Variants in SH3BGRL2 observed in about 807,000 individuals in gnomAD.
The protein encoded by SH3BGRL2 is SH3 domain binding glutamate rich protein like 2.
A neutral mutation model predicts 14.8 loss-of-function variants in SH3BGRL2; 21 were observed. The observed-to-expected ratio is 1.42, with a 90% confidence interval of 1.01 to 2.05. The LOEUF (loss-of-function observed/expected upper bound fraction) is 2.05. Ranked by LOEUF, SH3BGRL2 falls within the 30% of genes most tolerant of loss-of-function variation. SH3BGRL2 has a pLI of 0.00. For missense variants in SH3BGRL2, 147 were observed against 130.8 expected (o/e 1.12, Z -0.61); for synonymous variants, 50 against 47.8 (o/e 1.05, Z -0.19).
chr6:79,582,256 G>T, the SH3BGRL2 span, among the ~76,000 whole-genome samples: 1 of 152,232 alleles, frequency 6.6e-6, no homozygotes, highest in South Asian at 2.1e-4. Context: ...AGCTACCAAT[G>T]ACTTTCTTCA....
At chr6:79,590,011 G>C in the SH3BGRL2 span, among the ~76,000 whole-genome samples, 2 of 152,104 alleles carry the variant, frequency 1.3e-5, no homozygotes, top group African/African-American at 4.8e-5. Context: ...GGGCTGAAGG[G>C]ATCTGCCTGC....
the SH3BGRL2 span, among the ~76,000 whole-genome samples, chr6:79,593,955 G>T: frequency 1.3e-5 from 2 of 151,198 alleles, no homozygotes; most frequent in Non-Finnish European, 2.9e-5. Context: ...AACCCAGGAG[G>T]CAGAGGTTGC....
At chr6:79,567,092 A>G in the SH3BGRL2 span, among the ~76,000 whole-genome samples, 1 of 152,164 alleles carries the variant, frequency 6.6e-6, no homozygotes, top group Admixed American at 6.5e-5. Flanking sequence ...TTTTTTAAGC[A>G]AAATGAAATC....
At chr6:79,666,890 C>T (rs931010757) in intron 1 of SH3BGRL2, among the ~76,000 whole-genome samples, 1 of 152,148 alleles carries the variant, frequency 6.6e-6, no homozygotes, top group African/African-American at 2.4e-5. Flanking sequence ...TATCTAAAGC[C>T]TTTGAAAGCA....
chr6:79,593,370 G>A, the SH3BGRL2 span, among the ~76,000 whole-genome samples: 1 of 152,142 alleles, frequency 6.6e-6, no homozygotes. Context: ...TCAGGGGTGA[G>A]GGACAAGGTA....
chr6:79,590,426 TATATA>T, the SH3BGRL2 span, among the ~76,000 whole-genome samples: 6 of 55,922 alleles, frequency 1.1e-4, no homozygotes, highest in Non-Finnish European at 2.3e-4. Context: ...GAAAATGTGA[TATATA>T]TATATATATA....
upstream of SH3BGRL2, among the ~76,000 whole-genome samples, chr6:79,630,764 T>C (rs117480545): frequency 1.0e-3 from 152 of 152,274 alleles, no homozygotes; most frequent in Non-Finnish European, 1.9e-3. Context: ...TAATTTTCAG[T>C]GTGTACAGAC....
intron 1 of SH3BGRL2, among the ~76,000 whole-genome samples, chr6:79,645,692 G>A (rs1769127447): frequency 6.6e-6 from 1 of 152,214 alleles, no homozygotes; most frequent in African/African-American, 2.4e-5. Flanking sequence ...GAGCCAGCAA[G>A]TTTGTGTGTG....
At chr6:79,605,306 A>G in the SH3BGRL2 span, among the ~76,000 whole-genome samples, 5 of 152,224 alleles carry the variant, frequency 3.3e-5, no homozygotes, top group African/African-American at 1.2e-4. Flanking sequence ...AGCCACATGA[A>G]TGATGTCAGA....
chr6:79,584,062 T>C, the SH3BGRL2 span, among the ~76,000 whole-genome samples: 2 of 152,228 alleles, frequency 1.3e-5, no homozygotes, highest in Non-Finnish European at 2.9e-5. Flanking sequence ...GTAGGTCTAG[T>C]GAATGAAAAT....
At chr6:79,618,496 A>G in the SH3BGRL2 span, among the ~76,000 whole-genome samples, 15 of 152,188 alleles carry the variant, frequency 9.9e-5, no homozygotes, top group Admixed American at 8.5e-4. Flanking sequence ...TCACGAGGTC[A>G]GGAGTTTGAG....
chr6:79,677,177 T>A (rs549560642), intron 2 of SH3BGRL2, among the ~76,000 whole-genome samples: 1 of 152,346 alleles, frequency 6.6e-6, no homozygotes, highest in East Asian at 1.9e-4. Context: ...TAGTGATAGT[T>A]TCTGACTGGT....
At chr6:79,552,698 C>G in the SH3BGRL2 span, 7 of 152,118 alleles carry the variant, frequency 4.6e-5, no homozygotes, top group African/African-American at 1.7e-4. Context: ...TTTACAGATC[C>G]CAATCCAGAC....
At chr6:79,685,907 C>T (rs1378344486) in intron 2 of SH3BGRL2, among the ~76,000 whole-genome samples, 1 of 152,134 alleles carries the variant, frequency 6.6e-6, no homozygotes, top group Non-Finnish European at 1.5e-5. Flanking sequence ...ACTTTTCCGT[C>T]TTGTATTTTT....
intron 2 of SH3BGRL2, among the ~76,000 whole-genome samples, chr6:79,695,092 C>T (rs997875347): frequency 1.3e-5 from 2 of 152,228 alleles, no homozygotes; most frequent in Non-Finnish European, 2.9e-5. Context: ...TCACACTTCA[C>T]TAGTGCTGCT....
the SH3BGRL2 span, among the ~76,000 whole-genome samples, chr6:79,615,682 G>T: frequency 6.6e-6 from 1 of 151,998 alleles, no homozygotes; most frequent in Non-Finnish European, 1.5e-5. Flanking sequence ...AAGGGTCTTT[G>T]GTTCTTTCTG....
chr6:79,626,955 T>C (rs1768744179), upstream of SH3BGRL2, among the ~76,000 whole-genome samples: 1 of 152,174 alleles, frequency 6.6e-6, no homozygotes, highest in Admixed American at 6.5e-5. Context: ...AGGGGGATTA[T>C]GAAACAGCAA....
At chr6:79,606,012 A>G in the SH3BGRL2 span, among the ~76,000 whole-genome samples, 1 of 152,324 alleles carries the variant, frequency 6.6e-6, no homozygotes, top group South Asian at 2.1e-4. Context: ...ATAATAATAT[A>G]ATGAAATTTT....
chr6:79,563,423 A>G, the SH3BGRL2 span, among the ~76,000 whole-genome samples: 151 of 152,114 alleles, frequency 9.9e-4, no homozygotes, highest in Non-Finnish European at 1.8e-3. Flanking sequence ...AGCTTGGTCT[A>G]TATTAAGTCC....
Sources: allele counts gnomAD v4.1 joint callset (sites outside exome capture counted in the v4.1 genomes callset), GRCh38; gene constraint gnomAD v4.1.1; transcripts MANE v1.5; gene names NCBI Gene and HGNC (gene_info 2026-07-23, HGNC 2026-07-21).